The following ATF7 variants were observed in gnomAD, a reference collection of about 807,000 sequenced individuals.
The protein encoded by ATF7 is cyclic AMP-dependent transcription factor ATF-7.
In ATF7, 10 loss-of-function variants were observed where a neutral mutation model predicts 50.4. That is an observed-to-expected ratio of 0.20 (90% confidence interval 0.12 to 0.34). ATF7 has a LOEUF of 0.34. Ranked by LOEUF, ATF7 falls within the 10% of genes least tolerant of loss-of-function variation. The pLI is 1.00. For missense variants in ATF7, 465 were observed against 613.9 expected, an observed-to-expected ratio of 0.76 and a Z score of 2.56; for synonymous variants, 201 against 226.4, an observed-to-expected ratio of 0.89 and a Z score of 1.01.
downstream of ATF7, among the ~76,000 whole-genome samples, chr12:53,509,924 A>G (rs1399864109): frequency 6.6e-6 from 1 of 152,166 alleles, no homozygotes; most frequent in African/African-American, 2.4e-5. Flanking sequence ...GATGCTCCAG[A>G]TACCATATTT....
intron 2 of ATF7, among the ~76,000 whole-genome samples, chr12:53,555,190 A>G (rs1361828661): frequency 1.3e-5 from 2 of 151,966 alleles, no homozygotes; most frequent in Non-Finnish European, 1.5e-5. Flanking sequence ...ATGGTGGCAC[A>G]TGCCTATACT....
chr12:53,590,750 A>G lies in ATF7; in HGVS notation c.48+10203T>C, dbSNP rs74089645. Among the ~76,000 whole-genome samples, 571 of 152,194 alleles carry G rather than the reference A, an allele frequency of 3.8e-3. 2 individuals are homozygous for G. The highest frequency in any genetic ancestry group is 0.013 in the African/African-American group (542 of 41,496). ...TTCCTCTCCCCATTTTTTTCCAGCA[A>G]TTTCCAATCACATGCTTATCTACTC... On this transcript the variant is annotated intron_variant, in intron 2 of 11. Transcript: ENST00000420353.
In ATF7 at chr12:53,524,699, A is replaced by G. The variant is rs1938334056; in HGVS notation, c.990T>C (p.Asp330=). The G allele has an allele frequency of 6.2e-7, 1 of 1,613,300 alleles. No individual in the cohort carries two copies. Among genetic ancestry groups the G allele is most frequent in the Non-Finnish European group, 8.5e-7 (1 of 1,179,824 alleles). ...GAAAGCGCTGCCGTCGCTCATCTGG[A>G]TCTTCATCTACTGTGCGCCGCCGTC... The part of the protein sequence containing the change: ...GGRRRRTVDE[D]PDERRQRFLE... Residue 330 remains aspartate (D), a synonymous_variant, in exon 10 of 12, where the codon GAT becomes GAC. Coordinates refer to ENST00000420353, the MANE Select transcript of ATF7 (RefSeq NM_006856.3). The surrounding 1 kb of genome is among the most constrained non-coding windows in gnomAD (Gnocchi z 4.6).
chr12:53,568,948 G>A lies in ATF7; in HGVS notation c.49-16311C>T, dbSNP rs547777938. On this transcript the variant is annotated intron_variant, in intron 2 of 11. Transcript: ENST00000420353. ...AGGCTGAGGCAGGAGGATCACCTGA[G>A]GAATTTGAGACAAGCCTGGGCAATA... Among the ~76,000 whole-genome samples the A allele has an allele frequency of 3.3e-5, 5 of 152,184 alleles. No homozygotes were observed. The South Asian group carries it at 1.0e-3, about 32-fold the overall frequency.
At chr12:53,539,385 C>G (rs1314113276) in intron 4 of ATF7, among the ~76,000 whole-genome samples, 2 of 152,070 alleles carry the variant, frequency 1.3e-5, no homozygotes, top group African/African-American at 4.8e-5. Context: ...TCTAGACCAG[C>G]CTGTGCAAAT....
At chr12:53,559,678 C>CAAAAAAAAA (rs34508161) in intron 2 of ATF7, among the ~76,000 whole-genome samples, 2 of 85,164 alleles carry the variant, frequency 2.3e-5, no homozygotes, top group African/African-American at 4.7e-5. Flanking sequence ...GACTCCATCT[C>CAAAAAAAAA]AAAAAAAAAA....
downstream of ATF7, among the ~76,000 whole-genome samples, chr12:53,509,306 G>A (rs938570733): frequency 3.3e-5 from 5 of 152,108 alleles, no homozygotes; most frequent in Non-Finnish European, 5.9e-5. Flanking sequence ...TGCCTCATGT[G>A]CCCCAGTCGG....
intron 2 of ATF7, 52 bp downstream of exon 2, chr12:53,600,901 G>T: frequency 6.4e-7 from 1 of 1,573,538 alleles, no homozygotes; most frequent in South Asian, 1.1e-5. Context: ...TGATAAAACA[G>T]CCACTTTGAT....
chr12:53,535,135 A>G (rs958542742), intron 5 of ATF7, among the ~76,000 whole-genome samples: 1 of 152,142 alleles, frequency 6.6e-6, no homozygotes, highest in Admixed American at 6.6e-5. Flanking sequence ...TCATACTGTA[A>G]TAAAACAAAC....
At chr12:53,595,697 C>T (rs1943122846) in intron 2 of ATF7, among the ~76,000 whole-genome samples, 1 of 152,166 alleles carries the variant, frequency 6.6e-6, no homozygotes, top group Non-Finnish European at 1.5e-5. Context: ...GACTACAACA[C>T]CATAAACATT....
intron 1 of ATF7, among the ~76,000 whole-genome samples, chr12:53,605,849 A>C (rs143924845): frequency 2.6e-5 from 4 of 152,326 alleles, no homozygotes; most frequent in African/African-American, 9.6e-5. Context: ...GTAGATATTC[A>C]ATAAATATTC....
intron 3 of ATF7, among the ~76,000 whole-genome samples, chr12:53,545,405 C>T (rs1385551480): frequency 3.3e-5 from 5 of 152,098 alleles, no homozygotes; most frequent in East Asian, 1.9e-4. Context: ...CTGCAACCTC[C>T]GCCTCACCGT....
At chr12:53,547,092 C>T (rs1852179611) in intron 3 of ATF7, among the ~76,000 whole-genome samples, 1 of 148,254 alleles carries the variant, frequency 6.7e-6, no homozygotes, top group African/African-American at 2.5e-5. Context: ...TCATGCCATT[C>T]TCCTGCCTCA....
At chr12:53,539,560 G>A (rs1225610659) in intron 4 of ATF7, among the ~76,000 whole-genome samples, 6 of 152,046 alleles carry the variant, frequency 3.9e-5, no homozygotes, top group Admixed American at 3.3e-4. Flanking sequence ...ATGGTGGTAC[G>A]CGCCTGTAGT....
At chr12:53,546,117 G>C (rs1939888075) in intron 3 of ATF7, among the ~76,000 whole-genome samples, 1 of 152,066 alleles carries the variant, frequency 6.6e-6, no homozygotes, top group African/African-American at 2.4e-5. Flanking sequence ...GCTTGAACCT[G>C]GGAGGCAGAG....
At chr12:53,599,435 T>C (rs1391130888) in intron 2 of ATF7, among the ~76,000 whole-genome samples, 1 of 150,326 alleles carries the variant, frequency 6.7e-6, no homozygotes, top group African/African-American at 2.4e-5. Context: ...CAAATATTTA[T>C]ATACATCCAT....
downstream of ATF7, among the ~76,000 whole-genome samples, chr12:53,510,002 A>G (rs1291513595): frequency 1.3e-5 from 2 of 151,930 alleles, no homozygotes; most frequent in East Asian, 3.9e-4. Flanking sequence ...TCCCAACCAC[A>G]AAACCTGACA....
chr12:53,587,843 A>ATATATATATTTTTTTTTT, intron 2 of ATF7, among the ~76,000 whole-genome samples: 1 of 61,568 alleles, frequency 1.6e-5, no homozygotes, highest in Non-Finnish European at 3.4e-5. Flanking sequence ...ATATATATAT[A>ATATATATATTTTTTTTTT]TTTTTTTTTT....
At chr12:53,529,509 T>G (rs970237339) in intron 9 of ATF7, among the ~76,000 whole-genome samples, 6 of 150,302 alleles carry the variant, frequency 4.0e-5, no homozygotes, top group African/African-American at 1.5e-4. Flanking sequence ...CTAATTTTTT[T>G]TGTATTTTTA....
Sources: gnomAD v4.1 joint callset for allele counts (sites outside exome capture counted in the v4.1 genomes callset) on GRCh38, gnomAD v4.1.1 for gene constraint, Gnocchi (gnomAD v3.1) non-coding constraint, MANE v1.5 for transcripts, NCBI Gene and HGNC (gene_info 2026-07-23, HGNC 2026-07-21) for gene names.